The following EBF1 variants were observed in gnomAD, a reference collection of about 807,000 sequenced individuals.
The protein encoded by EBF1 is EBF transcription factor 1.
EBF1 carries 10 observed loss-of-function variants against 68.4 expected under a neutral mutation model. The observed-to-expected ratio is 0.15, with a 90% CI of 0.09 to 0.25. The LOEUF is 0.25. EBF1 is among the 10% of genes least tolerant of loss of function. The probability of loss-of-function intolerance (pLI) is 1.00; values close to 1 mark genes in which losing one functional copy is unlikely to be tolerated. For synonymous variants in EBF1, 298 were observed against 299.8 expected (o/e 0.99, Z 0.06); for missense variants, 509 against 794.4 (o/e 0.64, Z 4.32).
chr5:158,720,900 T>C (rs1273591565), intron 11 of EBF1, among the ~76,000 whole-genome samples: 1 of 152,192 alleles, frequency 6.6e-6, no homozygotes, highest in Non-Finnish European at 1.5e-5. Context: ...AAAGACTTCA[T>C]AGTATTTTAG....
chr5:158,874,210 C>T (rs1427132340), intron 6 of EBF1, among the ~76,000 whole-genome samples: 1 of 152,118 alleles, frequency 6.6e-6, no homozygotes, highest in Non-Finnish European at 1.5e-5. Flanking sequence ...GAAAAGTACA[C>T]TCTGTGGTGA....
intron 10 of EBF1, among the ~76,000 whole-genome samples, chr5:158,747,613 T>C (rs1347042630): frequency 3.3e-5 from 5 of 152,184 alleles, no homozygotes; most frequent in African/African-American, 9.7e-5. Flanking sequence ...GGACCATGTC[T>C]ACAAAGCATC....
chr5:159,079,737 G>A (rs1779423569), intron 5 of EBF1, among the ~76,000 whole-genome samples: 2 of 150,378 alleles, frequency 1.3e-5, no homozygotes, highest in African/African-American at 2.4e-5. Flanking sequence ...TCAGCCTCCC[G>A]AGTAGCTTGG....
intron 6 of EBF1, among the ~76,000 whole-genome samples, chr5:158,863,185 T>G (rs1795257788): frequency 6.6e-6 from 1 of 152,134 alleles, no homozygotes. Context: ...CTCTCTGAGC[T>G]CTCTTAAGCC....
At chr5:159,000,611 T>C (rs1342529601) in intron 6 of EBF1, among the ~76,000 whole-genome samples, 1 of 152,180 alleles carries the variant, frequency 6.6e-6, no homozygotes, top group Non-Finnish European at 1.5e-5. Context: ...AAATTCACCT[T>C]TCAAGTAAAA....
chr5:158,774,666 G>A (rs548239680), intron 10 of EBF1, among the ~76,000 whole-genome samples: 12 of 152,230 alleles, frequency 7.9e-5, no homozygotes, highest in Admixed American at 2.6e-4. Context: ...TGGATACAAA[G>A]AACAGAGAGG....
intron 10 of EBF1, among the ~76,000 whole-genome samples, chr5:158,758,890 T>C (rs915628534): frequency 4.6e-5 from 7 of 152,146 alleles, no homozygotes; most frequent in East Asian, 1.9e-4. Flanking sequence ...GCTGAGATAA[T>C]ATGTTGTCAC....
intron 7 of EBF1, among the ~76,000 whole-genome samples, chr5:158,828,588 A>C (rs1467215332): frequency 6.6e-6 from 1 of 152,256 alleles, no homozygotes; most frequent in Non-Finnish European, 1.5e-5. Context: ...TAGTAAAACA[A>C]GGGAAACCTG....
chr5:158,824,724 C>G (rs1289569363), intron 7 of EBF1, among the ~76,000 whole-genome samples: 2 of 152,220 alleles, frequency 1.3e-5, no homozygotes, highest in Non-Finnish European at 2.9e-5. Context: ...CTAAGCTGGG[C>G]AGAGGGGAAA....
intron 6 of EBF1, among the ~76,000 whole-genome samples, chr5:158,971,814 C>A (rs148111661): frequency 2.0e-4 from 31 of 152,282 alleles, no homozygotes; most frequent in African/African-American, 7.2e-4. Context: ...CTCTCCCTCA[C>A]CTCCACCCTG....
chr5:158,969,845 A>AAAGAAAGAAAG (rs1755043748), intron 6 of EBF1, among the ~76,000 whole-genome samples: 1 of 37,398 alleles, frequency 2.7e-5, no homozygotes, highest in Non-Finnish European at 5.6e-5. Context: ...AAAGAAAGAG[A>AAAGAAAGAAAG]AAGAAAGAAA....
chr5:158,729,015 T>C (rs575187673), intron 11 of EBF1, among the ~76,000 whole-genome samples: 1 of 152,300 alleles, frequency 6.6e-6, no homozygotes, highest in South Asian at 2.1e-4. Flanking sequence ...AGAAATCACA[T>C]GTTCAACTGC....
intron 6 of EBF1, among the ~76,000 whole-genome samples, chr5:158,944,862 GTCT>G (rs1356867583): frequency 6.6e-6 from 1 of 152,198 alleles, no homozygotes; most frequent in Non-Finnish European, 1.5e-5. Context: ...CCACATAAAA[GTCT>G]TCTTTAGAAA....
chr5:158,946,378 C>T (rs1814712181), intron 6 of EBF1, among the ~76,000 whole-genome samples: 1 of 152,124 alleles, frequency 6.6e-6, no homozygotes, highest in Non-Finnish European at 1.5e-5. Context: ...GCTTGGTCGT[C>T]CTTCTTTTTG....
At chr5:158,743,116 A>G (rs1016915723) in intron 10 of EBF1, among the ~76,000 whole-genome samples, 3 of 152,240 alleles carry the variant, frequency 2.0e-5, no homozygotes, top group Non-Finnish European at 4.4e-5. Flanking sequence ...CAGACCTGTA[A>G]TTGGCTACCC....
chr5:158,852,272 T>C (rs981261026), intron 6 of EBF1, among the ~76,000 whole-genome samples: 1 of 152,074 alleles, frequency 6.6e-6, no homozygotes, highest in African/African-American at 2.4e-5. Flanking sequence ...GAAAAGTATT[T>C]TGAAACTATT....
At chr5:159,040,919 T>C (rs1584189047) in intron 6 of EBF1, among the ~76,000 whole-genome samples, 1 of 152,340 alleles carries the variant, frequency 6.6e-6, no homozygotes, top group South Asian at 2.1e-4. Flanking sequence ...ACTCTCTACA[T>C]GTGAATTTAT....
chr5:159,033,333 CAACA>C (rs944645667), intron 6 of EBF1, among the ~76,000 whole-genome samples: 6 of 152,226 alleles, frequency 3.9e-5, no homozygotes, highest in African/African-American at 1.2e-4. Flanking sequence ...GCTAAATGAT[CAACA>C]AACATAGTTA....
intron 6 of EBF1, among the ~76,000 whole-genome samples, chr5:159,048,569 T>G (rs2127803496): frequency 6.6e-6 from 1 of 152,338 alleles, no homozygotes; most frequent in Admixed American, 6.5e-5. Flanking sequence ...CTTAGAAGAT[T>G]CCAATGGGAC....
Sources: gnomAD v4.1 joint callset for allele counts (sites outside exome capture counted in the v4.1 genomes callset) on GRCh38, gnomAD v4.1.1 for gene constraint, MANE v1.5 for transcripts, NCBI Gene and HGNC (gene_info 2026-07-23, HGNC 2026-07-21) for gene names.